Variants in RELN observed in about 807,000 individuals in gnomAD.
RELN encodes the protein reelin.
A neutral mutation model predicts 427.6 loss-of-function variants in RELN; 108 were observed. The observed-to-expected ratio is 0.25, with a 90% confidence interval of 0.22 to 0.30. RELN has a LOEUF of 0.30. Ranked by LOEUF, RELN falls within the 10% of genes least tolerant of loss-of-function variation. The probability of loss-of-function intolerance (pLI) is 1.00; values close to 1 mark genes in which losing one functional copy is unlikely to be tolerated. For synonymous variants in RELN, 1,524 were observed against 1,513.4 expected (o/e 1.01, Z -0.16); for missense variants, 3,715 against 4,302.8 (o/e 0.86, Z 3.82).
chr7:103,557,231 T>C, intron 37 of RELN, 72 bp from the exon 38 acceptor site: 1 of 1,257,948 alleles, frequency 7.9e-7, no homozygotes, highest in East Asian at 2.4e-5. Context: ...CTTAGCTGAA[T>C]CTTTAGGCAT....
In RELN at chr7:103,563,772, T is replaced by A. The variant is rs747834459; in HGVS notation, c.5210+1506A>T. 2.0e-5 allele frequency among the ~76,000 whole-genome samples: 3 copies of A among 152,224 alleles called. No homozygotes were observed. The highest frequency in any genetic ancestry group is 2.9e-5 in the Non-Finnish European group (2 of 68,038). On this transcript the variant is annotated intron_variant, in intron 34 of 64. Transcript: ENST00000428762. The surrounding 1 kb of genome is among the most constrained non-coding windows in gnomAD (Gnocchi z 4.1). ...AAGTGTACCATTTAAAAATCTTTTATACCATATTTTTATTGTACCTTTCCT... is the reference window on the plus strand; with the variant it reads ...AAGTGTACCATTTAAAAATCTTTTAAACCATATTTTTATTGTACCTTTCCT...
intron 6 of RELN, among the ~76,000 whole-genome samples, chr7:103,731,101 A>C (rs991131645): frequency 1.3e-5 from 2 of 152,138 alleles, no homozygotes; most frequent in Non-Finnish European, 2.9e-5. Context: ...TATTTACTGC[A>C]TTCTATCATT....
chr7:103,610,993 A>G (rs1182548913), intron 21 of RELN, among the ~76,000 whole-genome samples, 186 bp from the exon 22 acceptor site: 1 of 152,234 alleles, frequency 6.6e-6, no homozygotes, highest in Non-Finnish European at 1.5e-5. Flanking sequence ...AAAGTCTTAA[A>G]ATTATGTAAG....
At chr7:103,974,304 T>C (rs888937227) in intron 1 of RELN, among the ~76,000 whole-genome samples, 1 of 152,202 alleles carries the variant, frequency 6.6e-6, no homozygotes, top group African/African-American at 2.4e-5. Context: ...CATAGAGAAG[T>C]GAGATCCCTT....
chr7:103,492,149 C>A, intron 57 of RELN, 123 bp from the exon 58 acceptor site: 1 of 774,946 alleles, frequency 1.3e-6, no homozygotes, highest in African/African-American at 1.7e-5. Flanking sequence ...TTTTATAGAG[C>A]AGCCTGCTGG....
At chr7:103,751,279 G>A (rs1158467693) in intron 5 of RELN, among the ~76,000 whole-genome samples, 1 of 151,960 alleles carries the variant, frequency 6.6e-6, no homozygotes, top group Non-Finnish European at 1.5e-5. Context: ...TGTTTTTTAG[G>A]CTCACTCAAA....
intron 1 of RELN, among the ~76,000 whole-genome samples, chr7:103,961,399 T>A (rs1428287524): frequency 1.3e-5 from 2 of 152,062 alleles, no homozygotes; most frequent in Non-Finnish European, 2.9e-5. Context: ...TTAGTTTTTT[T>A]CCCCCTTTTG....
At chr7:103,612,021 A>C (rs1831971623) in intron 20 of RELN, among the ~76,000 whole-genome samples, 1 of 152,214 alleles carries the variant, frequency 6.6e-6, no homozygotes, top group Non-Finnish European at 1.5e-5. Flanking sequence ...ACAGTTGTCA[A>C]ATGTACCTAA....
intron 2 of RELN, among the ~76,000 whole-genome samples, chr7:103,873,625 C>G (rs1037996000): frequency 8.8e-4 from 95 of 107,484 alleles, no homozygotes; most frequent in African/African-American, 1.6e-3. Context: ...ATAAATTCCT[C>G]GACACATACA....
intron 2 of RELN, among the ~76,000 whole-genome samples, chr7:103,852,711 A>T (rs1053270271): frequency 6.6e-6 from 1 of 151,990 alleles, no homozygotes; most frequent in Non-Finnish European, 1.5e-5. Context: ...TTTAAATAGA[A>T]TAAATTAAAT....
chr7:103,866,177 CT>C lies in RELN; in HGVS notation c.338-32506del, dbSNP rs766621898. On this transcript the variant is annotated intron_variant, in intron 2 of 64. Transcript: ENST00000428762. ...TTTTAAAAAATAAAATAGTTTCTGT[CT>C]TTGAACTAGTGCTGGAAATGTGATA... Among the ~76,000 whole-genome samples the C allele has an allele frequency of 6.6e-5, 10 of 152,158 alleles. No individual in the cohort carries two copies. The East Asian group carries it at 1.7e-3, about 26-fold the overall frequency.
intron 31 of RELN, among the ~76,000 whole-genome samples, chr7:103,571,542 A>T (rs1046598812): frequency 6.6e-6 from 1 of 152,202 alleles, no homozygotes; most frequent in African/African-American, 2.4e-5. Flanking sequence ...CTGCTCATCC[A>T]CTTATTTAGT....
intron 2 of RELN, among the ~76,000 whole-genome samples, chr7:103,836,742 C>T (rs938085730): frequency 2.6e-5 from 4 of 152,330 alleles, no homozygotes; most frequent in Middle Eastern, 3.4e-3. Context: ...TCAAGCCTCT[C>T]CTGTCCACTT....
At chr7:103,499,485 T>G (rs1467554071) in intron 53 of RELN, among the ~76,000 whole-genome samples, 5 of 152,228 alleles carry the variant, frequency 3.3e-5, no homozygotes, top group Non-Finnish European at 4.4e-5. Flanking sequence ...TAAAGCCAAT[T>G]TGTTCTAGTT....
chr7:103,952,960 C>T (rs938787494), intron 1 of RELN, among the ~76,000 whole-genome samples: 3 of 152,184 alleles, frequency 2.0e-5, no homozygotes, highest in Middle Eastern at 3.2e-3. Flanking sequence ...GTGTTCCCCT[C>T]TCTCCTCGCT....
At chr7:103,501,323 C>T (rs559955377) in intron 52 of RELN, among the ~76,000 whole-genome samples, 4 of 152,316 alleles carry the variant, frequency 2.6e-5, no homozygotes, top group African/African-American at 9.6e-5. Context: ...ACGCCTTTGA[C>T]AAGAGCCTTG....
At chr7:103,960,979 G>A (rs1377093518) in intron 1 of RELN, among the ~76,000 whole-genome samples, 1 of 152,206 alleles carries the variant, frequency 6.6e-6, no homozygotes, top group African/African-American at 2.4e-5. Flanking sequence ...AGGTATGTGT[G>A]CACACAAGAG....
rs956203410 is a variant in RELN at position 103,988,977 on chromosome 7, A to C, written c.226+154T>G. Among the ~76,000 whole-genome samples, 1 of 152,102 alleles carries C rather than the reference A, an allele frequency of 6.6e-6. No homozygotes were observed. The highest frequency in any genetic ancestry group is 1.9e-4 in the East Asian group (1 of 5,156). On this transcript the variant is annotated intron_variant, in intron 1 of 64. Coordinates refer to ENST00000428762, the MANE Select transcript of RELN (RefSeq NM_005045.4). This position sits in a 1 kb window ranked among gnomAD's most constrained non-coding sequence, Gnocchi z 4.9. ...CAACTTGTGACTCCATTCTCCACTAACTTTATTCTCGCTCCCTGGACCAAG... is the reference window on the plus strand; with the variant it reads ...CAACTTGTGACTCCATTCTCCACTACCTTTATTCTCGCTCCCTGGACCAAG...
intron 2 of RELN, among the ~76,000 whole-genome samples, chr7:103,908,666 G>A (rs1443676807): frequency 6.6e-6 from 1 of 152,044 alleles, no homozygotes; most frequent in Non-Finnish European, 1.5e-5. Context: ...TTTAGTAAGC[G>A]ATTCTTTTCA....
Sources: allele counts gnomAD v4.1 joint callset (sites outside exome capture counted in the v4.1 genomes callset), GRCh38; gene constraint gnomAD v4.1.1; non-coding constraint Gnocchi (gnomAD v3.1); transcripts MANE v1.5; gene names NCBI Gene and HGNC (gene_info 2026-07-23, HGNC 2026-07-21).